The following STX5 variants were observed in gnomAD, a reference collection of about 807,000 sequenced individuals.
The protein encoded by STX5 is syntaxin 5.
In STX5, 15 loss-of-function variants were observed where a neutral mutation model predicts 42.9. The observed-to-expected ratio is 0.35, with a 90% CI of 0.23 to 0.54. The LOEUF is 0.54. Among genes scored for constraint, STX5 ranks in the 20% least tolerant of loss-of-function variants. The pLI is 0.91. For synonymous variants in STX5, 184 were observed against 173.2 expected (o/e 1.06, Z -0.49); for missense variants, 430 against 455.0 (o/e 0.95, Z 0.50).
chr11:62,820,921 C>T (rs1306532969), intron 10 of STX5, among the ~76,000 whole-genome samples: 1 of 152,094 alleles, frequency 6.6e-6, no homozygotes, highest in Non-Finnish European at 1.5e-5. Context: ...GCTCTTCTTG[C>T]TATATGTCAT....
chr11:62,824,246 A>C lies in STX5; in HGVS notation c.828T>G (p.Ile276Met), dbSNP rs1454606701. 6.2e-7 allele frequency: 1 copy of C among 1,614,128 alleles called. No individual in the cohort carries two copies. Among genetic ancestry groups the C allele is most frequent in the African/African-American group, 1.3e-5 (1 of 75,016 alleles). Residue 276 changes from isoleucine to methionine, a missense_variant, in exon 10 of 11, where the codon ATT becomes ATG. By Grantham distance (10) the Ile-to-Met change is conservative. Transcript: ENST00000294179. Reference protein sequence around the residue: ...IQSRADTMQNIESTIVELGSI... With the variant: ...IQSRADTMQNMESTIVELGSI... ...AGCCCAACTCAACAATTGTCGACTCAATGTTCTGCATGGTGTCTGCCCGAC... is the reference window on the plus strand; with the variant it reads ...AGCCCAACTCAACAATTGTCGACTCCATGTTCTGCATGGTGTCTGCCCGAC...
chr11:62,829,270 C>T (rs756695636), intron 2 of STX5, among the ~76,000 whole-genome samples: 3 of 151,470 alleles, frequency 2.0e-5, no homozygotes, highest in Non-Finnish European at 4.4e-5. Flanking sequence ...ACTCAAAATA[C>T]AAAATTAGCC....
At chr11:62,819,649 G>T (rs368853800) in intron 10 of STX5, among the ~76,000 whole-genome samples, 1 of 151,540 alleles carries the variant, frequency 6.6e-6, no homozygotes, top group Non-Finnish European at 1.5e-5. Flanking sequence ...TTCAGCTACT[G>T]GGAACAGTAG....
chr11:62,820,900 A>G (rs896975282), intron 10 of STX5, among the ~76,000 whole-genome samples: 11 of 152,014 alleles, frequency 7.2e-5, no homozygotes, highest in African/African-American at 2.7e-4. Flanking sequence ...TTCCATTTCA[A>G]TTTGGTTGCT....
chr11:62,826,664 G>A (rs541907902), intron 5 of STX5, among the ~76,000 whole-genome samples: 4 of 152,100 alleles, frequency 2.6e-5, no homozygotes, highest in Admixed American at 6.5e-5. Flanking sequence ...CAAGGTGGGC[G>A]GCTCACTTGA....
intron 2 of STX5, among the ~76,000 whole-genome samples, chr11:62,829,743 T>G (rs2084835101): frequency 6.6e-6 from 1 of 151,402 alleles, no homozygotes. Context: ...CCAGCCTTGG[T>G]GACAGAGTGA....
At chr11:62,819,993 G>A (rs894623312) in intron 10 of STX5, among the ~76,000 whole-genome samples, 2 of 151,200 alleles carry the variant, frequency 1.3e-5, no homozygotes, top group African/African-American at 2.4e-5. Context: ...ATGAGCCACC[G>A]CTCCCAGGCC....
intron 2 of STX5, among the ~76,000 whole-genome samples, chr11:62,829,061 A>C (rs1224343306): frequency 6.6e-6 from 1 of 150,926 alleles, no homozygotes; most frequent in East Asian, 2.0e-4. Flanking sequence ...GACTGTCTCA[A>C]AAACAAACAA....
In STX5 at chr11:62,807,531, T is replaced by C. The variant is rs916642962; in HGVS notation, c.1006A>G (p.Met336Val). 5.6e-6 allele frequency: 9 copies of C among 1,613,290 alleles called. No homozygotes were observed. The highest frequency in any genetic ancestry group is 2.2e-5 in the East Asian group (1 of 44,890). Residue 336 changes from methionine (M) to valine (V), a missense_variant, in exon 11 of 11, where the codon ATG becomes GTG. By Grantham distance (21) the Met-to-Val change is conservative. Coordinates refer to ENST00000294179, the MANE Select transcript of STX5 (RefSeq NM_003164.5). ...FQSVTSNRWL[M>V]VKIFLILIVF... ...ATGAGGATGAGGAAGATTTTGACCATGAGCCACCGGTTGGAGGTGACAGAC... is the reference window on the plus strand; with the variant it reads ...ATGAGGATGAGGAAGATTTTGACCACGAGCCACCGGTTGGAGGTGACAGAC...
intron 10 of STX5, among the ~76,000 whole-genome samples, chr11:62,808,592 A>G (rs981852759): frequency 2.0e-5 from 3 of 152,130 alleles, no homozygotes; most frequent in African/African-American, 7.2e-5. Context: ...TCTACTAAAA[A>G]AATAATAATA....
chr11:62,827,270 A>G (rs1164522804), intron 4 of STX5, 45 bp from the exon 5 acceptor site: 24 of 1,613,940 alleles, frequency 1.5e-5, no homozygotes, highest in Non-Finnish European at 1.9e-5. Flanking sequence ...GTCAAGGACA[A>G]AGCTCAGGGA....
Position 62,807,463 on chromosome 11 carries a change from G to C in STX5, c.*6C>G. On this transcript the variant is annotated 3_prime_UTR_variant, in exon 11 of 11. Transcript: ENST00000294179. The stretch of plus-strand genomic sequence containing the variant: ...CCCCAACAGAGTGCCTCAGAGTAGA[G>C]AGGGTTCAAGCAAGGAAGACCACAA... 6.2e-7 allele frequency: 1 copy of C among 1,613,358 alleles called. No homozygotes were observed. Among genetic ancestry groups the C allele is most frequent in the Non-Finnish European group, 8.5e-7 (1 of 1,179,756 alleles).
At position 62,825,042 on chromosome 11, in the gene STX5, G is replaced by C; in HGVS notation, c.673C>G (p.His225Asp). 2 of 1,613,950 alleles carry C rather than the reference G, an allele frequency of 1.2e-6. No homozygotes were observed. Among genetic ancestry groups the C allele is most frequent in the Non-Finnish European group, 1.7e-6 (2 of 1,180,006 alleles). ...CGTTTTACCTGTGACTTACCCAGGTGGTTAGGGGCAAGGGGCAGGGCTGAC... is the reference window on the plus strand; with the variant it reads ...CGTTTTACCTGTGACTTACCCAGGTCGTTAGGGGCAAGGGGCAGGGCTGAC... ...PVSALPLAPN[H>D]LGGGAVVLGA... Residue 225 changes from histidine to aspartate, a missense_variant, in exon 8 of 11, where the codon CAC (histidine) becomes GAC (aspartate). By Grantham distance (81) the His-to-Asp change is moderately conservative. Transcript: ENST00000294179.
chr11:62,817,870 C>T (rs994025000), intron 10 of STX5, among the ~76,000 whole-genome samples: 2 of 151,956 alleles, frequency 1.3e-5, no homozygotes, highest in African/African-American at 4.8e-5. Context: ...TACCTGGAAA[C>T]ATATATATGT....
rs1174325165 is a variant in STX5, at chr11:62,809,287, CAA to C, written c.909-1661_909-1660del. 5.3e-3 allele frequency among the ~76,000 whole-genome samples: 330 copies of C among 62,154 alleles called. 2 individuals carry two copies. Among genetic ancestry groups the C allele is most frequent in the African/African-American group, 0.012 (201 of 17,220 alleles). 40.8% of individuals were successfully genotyped at this position (62,154 alleles called of 152,430 possible). On this transcript the variant is annotated intron_variant, in intron 10 of 10. Transcript: ENST00000294179. Reference sequence around the variant, plus strand: ...TGGGTGACAGAGCGAGACTCCGTCTCAAAAAAAAAAAAAAAAAAAAATCAGAT... The same window carrying C: ...TGGGTGACAGAGCGAGACTCCGTCTCAAAAAAAAAAAAAAAAAAATCAGAT...
In STX5 at chr11:62,807,577, T is replaced by C. The variant is rs753004174; in HGVS notation, c.960A>G (p.Ser320=). The C allele has an allele frequency of 6.8e-6, 11 of 1,614,106 alleles. No homozygotes were observed. The Admixed American group carries it at 1.7e-4, about 24-fold the overall frequency. Reference sequence around the variant, plus strand: ...CAGACTGGAAGTACTTGAGGATCTCTGAATGGGCGGCCTCAACGTCCAGCT... The same window carrying C: ...CAGACTGGAAGTACTTGAGGATCTCCGAATGGGCGGCCTCAACGTCCAGCT... The part of the protein sequence containing the change: ...GAQLDVEAAH[S]EILKYFQSVT... The change falls in exon 11 of 11, where the codon TCA becomes TCG. Residue 320 remains serine, a synonymous_variant. Coordinates refer to ENST00000294179, the MANE Select transcript of STX5 (RefSeq NM_003164.5).
intron 10 of STX5, among the ~76,000 whole-genome samples, chr11:62,811,999 AC>A (rs2084621807): frequency 6.6e-6 from 1 of 152,040 alleles, no homozygotes; most frequent in Admixed American, 6.5e-5. Flanking sequence ...TTCAAGGAAG[AC>A]TAGAATGTAA....
Position 62,807,440 on chromosome 11 carries a change from C to A in STX5, c.*29G>T. On this transcript the variant is annotated 3_prime_UTR_variant, in exon 11 of 11. Transcript: ENST00000294179. ...TGCCTTCCCAGGAGGGTCCCAAACC[C>A]CAACAGAGTGCCTCAGAGTAGAGAG... 6.2e-7 allele frequency: 1 copy of A among 1,609,204 alleles called. No individual in the cohort carries two copies. The highest frequency in any genetic ancestry group is 8.5e-7 in the Non-Finnish European group (1 of 1,177,256).
chr11:62,823,132 G>A (rs1037028211), intron 10 of STX5, among the ~76,000 whole-genome samples: 1 of 151,914 alleles, frequency 6.6e-6, no homozygotes, highest in Non-Finnish European at 1.5e-5. Flanking sequence ...CATGTCTTCA[G>A]AGCAGCATTC....
Sources: gnomAD v4.1 joint callset for allele counts (sites outside exome capture counted in the v4.1 genomes callset) on GRCh38, gnomAD v4.1.1 for gene constraint, MANE v1.5 for transcripts, NCBI Gene and HGNC (gene_info 2026-07-23, HGNC 2026-07-21) for gene names.